The following SNED1 variants were observed in gnomAD, a reference collection of about 807,000 sequenced individuals.
The protein encoded by SNED1 is sushi, nidogen and EGF like domains 1, also known as sushi, nidogen and EGF-like domain-containing protein 1.
In SNED1, 81 loss-of-function variants were observed where a neutral mutation model predicts 166.7. That is an observed-to-expected ratio of 0.49 (90% CI 0.41 to 0.58). The LOEUF (loss-of-function observed/expected upper bound fraction) is 0.58, where lower values mean the gene tolerates loss of function less well. Ranked by LOEUF, SNED1 falls within the 20% of genes least tolerant of loss-of-function variation. The pLI is 0.00. For missense variants in SNED1, 1,604 were observed against 2,000.2 expected, an observed-to-expected ratio of 0.80 and a Z score of 3.78; for synonymous variants, 762 against 822.0, an observed-to-expected ratio of 0.93 and a Z score of 1.25.
intron 27 of SNED1, among the ~76,000 whole-genome samples, chr2:241,076,854 G>T (rs1160925963): frequency 6.6e-6 from 1 of 152,234 alleles, no homozygotes; most frequent in Non-Finnish European, 1.5e-5. Context: ...CACTTTGGGA[G>T]GCCGAGGCGG....
At position 241,075,416 on chromosome 2, in the gene SNED1, G is replaced by A. The variant is rs1023482869; in HGVS notation, c.3916+2052G>A. ...GGTTTGCAGATCCTACAGGCAGAAC[G>A]GGTGGGATGCACACCCCTGGGATCT... is the stretch of plus-strand genomic sequence containing the variant. On this transcript the variant is annotated intron_variant, in intron 27 of 31. Transcript: ENST00000310397. The surrounding 1 kb of genome is among the most constrained non-coding windows in gnomAD (Gnocchi z 4.8). The A allele has an allele frequency of 2.6e-5, 4 of 152,198 alleles. No individual in the cohort carries two copies. Among genetic ancestry groups the A allele is most frequent in the African/African-American group, 9.6e-5 (4 of 41,456 alleles). 9.4% of individuals were successfully genotyped at this position (152,198 alleles called of 1,614,324 possible).
At chr2:241,034,525 T>TG in intron 3 of SNED1, 43 bp from the exon 4 acceptor site, 1 of 1,542,988 alleles carries the variant, frequency 6.5e-7, no homozygotes, top group Non-Finnish European at 8.8e-7. Context: ...TCTGTAGACC[T>TG]GGGGAACTGG....
At chr2:241,037,834 C>T (rs545031393) in intron 6 of SNED1, among the ~76,000 whole-genome samples, 4 of 152,328 alleles carry the variant, frequency 2.6e-5, no homozygotes, top group East Asian at 1.9e-4. Context: ...TGCTCCTGGA[C>T]GCTGTTTCTC....
chr2:241,051,606 T>A lies in SNED1; in HGVS notation c.1736-138T>A. 1 of 653,902 alleles carries A rather than the reference T, an allele frequency of 1.5e-6. No homozygotes were observed. Among genetic ancestry groups the A allele is most frequent in the South Asian group, 2.4e-5 (1 of 41,304 alleles). The allele number at this position is 653,902 out of a possible 1,614,324, so 40.5% of individuals were successfully genotyped here. On this transcript the variant is annotated intron_variant, in intron 12 of 31. Transcript: ENST00000310397. This position sits in a 1 kb window ranked among gnomAD's most constrained non-coding sequence, Gnocchi z 4.7. ...CATGTGTGCGGACCTGCTTGGCCCC[T>A]GCTGCAGCCAGGCCCCAGGGCTTCG...
intron 27 of SNED1, among the ~76,000 whole-genome samples, chr2:241,081,325 C>T (rs1422535918): frequency 1.4e-5 from 2 of 140,852 alleles, no homozygotes; most frequent in African/African-American, 2.5e-5. Flanking sequence ...CAGCAAGGGT[C>T]GGGGTGGGGA....
At chr2:241,076,829 G>T (rs6736847) in intron 27 of SNED1, among the ~76,000 whole-genome samples, 1 of 151,808 alleles carries the variant, frequency 6.6e-6, no homozygotes, top group African/African-American at 2.4e-5. Flanking sequence ...CAGTGGCTCA[G>T]GCCTGTAATC....
At chr2:241,019,349 C>G (rs760158420) in intron 1 of SNED1, among the ~76,000 whole-genome samples, 1 of 152,220 alleles carries the variant, frequency 6.6e-6, no homozygotes, top group Non-Finnish European at 1.5e-5. Flanking sequence ...GCTGAGTGAC[C>G]TGAGACAAAG....
Position 241,030,453 on chromosome 2 carries a change from G to A in SNED1, c.383G>A (p.Arg128His), listed in dbSNP as rs750006904. The A allele has an allele frequency of 1.9e-5, 30 of 1,613,618 alleles. No homozygotes were observed. Among genetic ancestry groups the A allele is most frequent in the Middle Eastern group, 1.6e-4 (1 of 6,082 alleles). The stretch of plus-strand genomic sequence containing the variant: ...GAGGCCACCGACCCAGCCATGCTGC[G>A]CCGAGCCACGGAGGACGTCAGGCAC... ...YREATDPAML[R>H]RATEDVRHYF... The change falls in exon 2 of 32, where the codon CGC (arginine) becomes CAC (histidine). Residue 128 changes from arginine (R) to histidine (H), a missense_variant. This residue lies in a region of SNED1 where 1,237 missense variants were observed against 1,620.8 expected (regional missense o/e 0.76). Coordinates refer to ENST00000310397, the MANE Select transcript of SNED1 (RefSeq NM_001080437.3).
chr2:241,073,110 TCTGGGGCCGACAGGTG>T lies in SNED1; in HGVS notation c.3818-147_3818-132del. The stretch of plus-strand genomic sequence containing the variant: ...AGGCCAGCCCTTCAGGGGAGGCAGC[TCTGGGGCCGACAGGTG>T]CTGGGGCCACGCAGGGAGCCTGGTC... On this transcript the variant is annotated intron_variant, in intron 26 of 31. Coordinates refer to ENST00000310397, the MANE Select transcript of SNED1 (RefSeq NM_001080437.3). This position sits in a 1 kb window ranked among gnomAD's most constrained non-coding sequence, Gnocchi z 6.6. The T allele has an allele frequency of 1.7e-6, 1 of 602,334 alleles. No homozygotes were observed. Among genetic ancestry groups the T allele is most frequent in the Non-Finnish European group, 2.9e-6 (1 of 340,112 alleles). 37.3% of individuals were successfully genotyped at this position (602,334 alleles called of 1,614,324 possible).
chr2:241,058,312 CATT>C (rs2062125394), intron 16 of SNED1, among the ~76,000 whole-genome samples: 1 of 151,910 alleles, frequency 6.6e-6, no homozygotes, highest in African/African-American at 2.4e-5. Context: ...AAGAAACTGA[CATT>C]AATACCAATG....
chr2:241,049,152 C>G lies in SNED1; in HGVS notation c.1618+17C>G. On this transcript the variant is annotated intron_variant, in intron 11 of 31. Coordinates refer to ENST00000310397, the MANE Select transcript of SNED1 (RefSeq NM_001080437.3). The stretch of plus-strand genomic sequence containing the variant: ...CCAGCCACTGTGAGTAGCTCGGGGA[C>G]GAGCCTGCTGGGCCGGGGGCCCGGA... 12 of 1,597,644 alleles carry G rather than the reference C, an allele frequency of 7.5e-6. No homozygotes were observed. Among genetic ancestry groups the G allele is most frequent in the Non-Finnish European group, 1.0e-5 (12 of 1,169,580 alleles).
At chr2:241,088,287 A>G in intron 30 of SNED1, 78 bp from the exon 31 acceptor site, 4 of 1,001,914 alleles carry the variant, frequency 4.0e-6, no homozygotes, top group Non-Finnish European at 6.4e-6. Flanking sequence ...CTCAGCAGGC[A>G]GCCTGGACTG....
rs528925961 is a variant in SNED1 at position 241,035,253 on chromosome 2, T to C, written c.805+523T>C. On this transcript the variant is annotated intron_variant, in intron 4 of 31. Transcript: ENST00000310397. ...TCATTTTTGCCAGCGGGCTTGCTGC[T>C]TGGTGGGATTTGGTGACTGCTTGAC... Among the ~76,000 whole-genome samples, 23 of 152,222 alleles carry C rather than the reference T, an allele frequency of 1.5e-4. No individual in the cohort carries two copies. The South Asian group carries it at 4.4e-3, about 29-fold the overall frequency.
intron 21 of SNED1, among the ~76,000 whole-genome samples, chr2:241,065,839 A>G (rs991587923): frequency 5.3e-5 from 8 of 152,024 alleles, no homozygotes; most frequent in African/African-American, 1.9e-4. Context: ...CAAGAGTGGG[A>G]GCAGCACAAC....
intron 8 of SNED1, among the ~76,000 whole-genome samples, chr2:241,044,173 A>C (rs1350608922): frequency 1.3e-5 from 2 of 152,262 alleles, no homozygotes; most frequent in Non-Finnish European, 2.9e-5. Context: ...GTAAAAGCCG[A>C]TAGCAAGATG....
intron 29 of SNED1, among the ~76,000 whole-genome samples, chr2:241,083,609 C>A (rs2063435133): frequency 6.6e-6 from 1 of 152,162 alleles, no homozygotes; most frequent in Non-Finnish European, 1.5e-5. Flanking sequence ...AATTCGGATT[C>A]TATGCAGTGA....
At position 241,069,801 on chromosome 2, in the gene SNED1, T is replaced by A; in HGVS notation, c.3308-119T>A. 8.5e-7 allele frequency: 1 copy of A among 1,182,178 alleles called. No individual in the cohort carries two copies. The highest frequency in any genetic ancestry group is 1.5e-5 in the South Asian group (1 of 68,698). The allele number at this position is 1,182,178 out of a possible 1,614,324, so 73.2% of individuals were successfully genotyped here. On this transcript the variant is annotated intron_variant, in intron 23 of 31. Coordinates refer to ENST00000310397, the MANE Select transcript of SNED1 (RefSeq NM_001080437.3). The surrounding 1 kb of genome is among the most constrained non-coding windows in gnomAD (Gnocchi z 4.9). ...CGCCTCGGCACTGTACCATTCTCCATAATAAAGAATCTGGCTTCCAGCAAG... is the reference window on the plus strand; with the variant it reads ...CGCCTCGGCACTGTACCATTCTCCAAAATAAAGAATCTGGCTTCCAGCAAG...
chr2:241,014,843 G>A (rs946859795), intron 1 of SNED1, among the ~76,000 whole-genome samples: 1 of 152,036 alleles, frequency 6.6e-6, no homozygotes, highest in Admixed American at 6.6e-5. Context: ...TCTTCTCTTG[G>A]GGCCCGAGGT....
At chr2:240,997,718 G>A (rs1435739958), upstream of SNED1, among the ~76,000 whole-genome samples, 1 of 152,126 alleles carries the variant, frequency 6.6e-6, no homozygotes, top group African/African-American at 2.4e-5. Context: ...TCTTATCTTT[G>A]GGGGCCCCAG....
Sources: allele counts gnomAD v4.1 joint callset (sites outside exome capture counted in the v4.1 genomes callset), GRCh38; gene constraint gnomAD v4.1.1; regional missense constraint gnomAD v4.1.1; non-coding constraint Gnocchi (gnomAD v3.1); transcripts MANE v1.5; gene names NCBI Gene and HGNC (gene_info 2026-07-23, HGNC 2026-07-21).